Variants in RIC8B observed in about 807,000 individuals in gnomAD.
RIC8B encodes the protein chaperone Ric-8B.
In RIC8B, 16 loss-of-function variants were observed where a neutral mutation model predicts 57.5. The observed-to-expected ratio is 0.28, with a 90% CI of 0.19 to 0.42. The LOEUF (loss-of-function observed/expected upper bound fraction) is 0.42, where lower values mean the gene tolerates loss of function less well. RIC8B is among the 10% of genes least tolerant of loss of function. The pLI is 1.00. For missense variants in RIC8B, 481 were observed against 677.0 expected (o/e 0.71, Z 3.21); for synonymous variants, 216 against 250.8 (o/e 0.86, Z 1.31).
chr12:106,885,103 A>G (rs964308860), intron 9 of RIC8B, among the ~76,000 whole-genome samples: 1 of 152,208 alleles, frequency 6.6e-6, no homozygotes, highest in Non-Finnish European at 1.5e-5. Flanking sequence ...AATAAATAAG[A>G]GCCTATGAAA....
At chr12:106,817,586 G>A (rs1033239297) in intron 3 of RIC8B, among the ~76,000 whole-genome samples, 2 of 152,050 alleles carry the variant, frequency 1.3e-5, no homozygotes, top group African/African-American at 2.4e-5. Context: ...TTGGGAGGCC[G>A]AGGCGGGGAG....
chr12:106,864,314 A>G (rs1950053405), intron 8 of RIC8B, among the ~76,000 whole-genome samples: 1 of 152,140 alleles, frequency 6.6e-6, no homozygotes, highest in East Asian at 1.9e-4. Context: ...TTGACTGAAT[A>G]GAGTAACTTA....
At chr12:106,854,390 A>G (rs1455197889) in intron 7 of RIC8B, among the ~76,000 whole-genome samples, 1 of 152,216 alleles carries the variant, frequency 6.6e-6, no homozygotes, top group African/African-American at 2.4e-5. Context: ...AGGATATGCC[A>G]AGTAAATTTG....
At chr12:106,828,218 T>A (rs1426274378) in intron 4 of RIC8B, among the ~76,000 whole-genome samples, 2 of 152,314 alleles carry the variant, frequency 1.3e-5, no homozygotes, top group African/African-American at 4.8e-5. Flanking sequence ...CCTGGGAGAT[T>A]GAGGTTGCTG....
chr12:106,805,972 G>A (rs1388617824), intron 2 of RIC8B, among the ~76,000 whole-genome samples: 1 of 151,826 alleles, frequency 6.6e-6, no homozygotes, highest in Non-Finnish European at 1.5e-5. Flanking sequence ...TTTTTGAGAT[G>A]GAGTTTTGCT....
chr12:106,874,148 G>T (rs1266797058), intron 9 of RIC8B, among the ~76,000 whole-genome samples: 1 of 152,138 alleles, frequency 6.6e-6, no homozygotes, highest in African/African-American at 2.4e-5. Context: ...AGTGAGACTA[G>T]ACCTTCATTT....
intron 9 of RIC8B, among the ~76,000 whole-genome samples, chr12:106,876,408 C>T (rs1950667312): frequency 6.6e-6 from 1 of 152,084 alleles, no homozygotes; most frequent in African/African-American, 2.4e-5. Flanking sequence ...TTTAAGAGTA[C>T]ATACACTTGG....
chr12:106,852,078 T>C (rs1949500746), intron 7 of RIC8B, among the ~76,000 whole-genome samples: 1 of 152,108 alleles, frequency 6.6e-6, no homozygotes, highest in Non-Finnish European at 1.5e-5. Flanking sequence ...AAATGCATAA[T>C]ACCCTTGAGA....
chr12:106,786,136 G>C (rs1278675920), intron 2 of RIC8B, among the ~76,000 whole-genome samples: 1 of 145,140 alleles, frequency 6.9e-6, no homozygotes, highest in Non-Finnish European at 1.5e-5. Context: ...TTTGGCCCAA[G>C]GTGTATTTTT....
chr12:106,779,888 TTGTG>T (rs58405740), intron 1 of RIC8B, among the ~76,000 whole-genome samples: 17,724 of 82,376 alleles, frequency 0.22, 1,760 homozygotes, highest in African/African-American at 0.38. Flanking sequence ...TTTTTTTTTT[TTGTG>T]TGTGTGTGTG....
chr12:106,785,157 A>G (rs529519331), intron 2 of RIC8B, among the ~76,000 whole-genome samples: 1 of 152,334 alleles, frequency 6.6e-6, no homozygotes, highest in Non-Finnish European at 1.5e-5. Context: ...TCATATGCCT[A>G]CTTTCGCAGC....
intron 7 of RIC8B, among the ~76,000 whole-genome samples, chr12:106,857,025 G>C (rs1247680778): frequency 6.6e-6 from 1 of 152,160 alleles, no homozygotes; most frequent in African/African-American, 2.4e-5. Context: ...CTGGTTTAAT[G>C]TGTGAGGAAT....
Position 106,780,560 on chromosome 12 carries a change from T to C in RIC8B, c.85-3437T>C, listed in dbSNP as rs145379669. 2.4e-4 allele frequency among the ~76,000 whole-genome samples: 37 copies of C among 152,384 alleles called. No homozygotes were observed. The East Asian group carries it at 7.1e-3, about 29-fold the overall frequency. On this transcript the variant is annotated intron_variant, in intron 1 of 9. Transcript: ENST00000392837. Reference sequence around the variant, plus strand: ...GTTTTCTACTTTGGAAGTTGGGCTCTGACTCTTTGATTTCACTCTGTGGGT... The same window carrying C: ...GTTTTCTACTTTGGAAGTTGGGCTCCGACTCTTTGATTTCACTCTGTGGGT...
At chr12:106,819,777 A>G (rs2045757785) in intron 3 of RIC8B, among the ~76,000 whole-genome samples, 1 of 148,238 alleles carries the variant, frequency 6.7e-6, no homozygotes, top group African/African-American at 2.5e-5. Context: ...ACTCATAAGT[A>G]TATAATATAT....
intron 2 of RIC8B, among the ~76,000 whole-genome samples, chr12:106,789,064 C>T (rs148752313): frequency 0.019 from 2,834 of 152,250 alleles, 49 homozygotes; most frequent in Middle Eastern, 0.048. Context: ...AGAAATTTCT[C>T]CTGCCAGATA....
chr12:106,868,583 A>T (rs1487148124), intron 8 of RIC8B, among the ~76,000 whole-genome samples: 1 of 152,102 alleles, frequency 6.6e-6, no homozygotes, highest in Admixed American at 6.6e-5. Context: ...TGGCATCTGG[A>T]TACGTCTCCA....
intron 2 of RIC8B, among the ~76,000 whole-genome samples, chr12:106,800,973 G>C (rs1002140605): frequency 1.3e-5 from 2 of 152,144 alleles, no homozygotes; most frequent in Non-Finnish European, 2.9e-5. Context: ...CTTGTGCTAA[G>C]AACTCCCTAA....
chr12:106,881,719 A>G (rs1950942433), intron 9 of RIC8B, among the ~76,000 whole-genome samples: 1 of 152,144 alleles, frequency 6.6e-6, no homozygotes, highest in African/African-American at 2.4e-5. Context: ...CAGGTCATTT[A>G]CCAAGCCTTT....
chr12:106,786,499 T>A (rs866222846), intron 2 of RIC8B, among the ~76,000 whole-genome samples: 33 of 152,264 alleles, frequency 2.2e-4, no homozygotes, highest in Admixed American at 5.2e-4. Context: ...CTCATATATC[T>A]GATGGGAGTG....
Sources: gnomAD v4.1 joint callset for allele counts (sites outside exome capture counted in the v4.1 genomes callset) on GRCh38, gnomAD v4.1.1 for gene constraint, MANE v1.5 for transcripts, NCBI Gene and HGNC (gene_info 2026-07-23, HGNC 2026-07-21) for gene names.